Variants in SCRIB observed in about 807,000 individuals in gnomAD.
The protein encoded by SCRIB is protein scribble homolog.
SCRIB carries 72 observed loss-of-function variants against 170.0 expected under a neutral mutation model. The observed-to-expected ratio is 0.42, with a 90% CI of 0.35 to 0.52. SCRIB has a LOEUF of 0.52. SCRIB is among the 20% of genes least tolerant of loss of function. The probability of loss-of-function intolerance (pLI) is 0.02; values close to 1 mark genes in which losing one functional copy is unlikely to be tolerated. For synonymous variants in SCRIB, 1,298 were observed against 1,044.3 expected (o/e 1.24, Z -4.68); for missense variants, 2,475 against 2,338.5 (o/e 1.06, Z -1.20).
chr8:143,809,447 C>T (rs1587539364), intron 14 of SCRIB, 104 bp downstream of exon 14: 3 of 1,302,514 alleles, frequency 2.3e-6, no homozygotes, highest in South Asian at 1.3e-5. Flanking sequence ...TCAGCAGGGC[C>T]CAGGCACTGC....
Position 143,804,600 on chromosome 8 carries a change from C to A in SCRIB, c.2977G>T (p.Ala993Ser). ...GLPSLAPSLL[A>S]AALEGPYPVE... ...GGGTATGGCCCTTCCAACGCGGCAG[C>A]CAGCAGGCTGGGGGCCAGGCTCGGC... Residue 993 changes from alanine to serine, a missense_variant, in exon 21 of 37, where the codon GCT becomes TCT. Transcript: ENST00000356994. 6.6e-7 allele frequency: 1 copy of A among 1,515,794 alleles called. No homozygotes were observed. Among genetic ancestry groups the A allele is most frequent in the East Asian group, 2.3e-5 (1 of 43,968 alleles). 93.9% of individuals were successfully genotyped at this position (1,515,794 alleles called of 1,614,324 possible). A position where few individuals can be genotyped will look rare whatever the true frequency, so the allele number is the denominator to read the frequency against.
chr8:143,792,655 G>A lies in SCRIB; in HGVS notation c.4178-20C>T. 6.3e-7 allele frequency: 1 copy of A among 1,592,254 alleles called. No individual in the cohort carries two copies. The highest frequency in any genetic ancestry group is 8.5e-7 in the Non-Finnish European group (1 of 1,176,918). ...TTCTGGCTGCCGGAGGGCAGGGTGG[G>A]TCAGGCCAGACCAGCCGAGACCCAA... On this transcript the variant is annotated intron_variant, in intron 30 of 36. Transcript: ENST00000356994.
In SCRIB at chr8:143,792,415, G is replaced by C; in HGVS notation, c.4329-10C>G. The C allele has an allele frequency of 6.6e-7, 1 of 1,508,156 alleles. No homozygotes were observed. Among genetic ancestry groups the C allele is most frequent in the Non-Finnish European group, 8.8e-7 (1 of 1,131,474 alleles). 93.4% of individuals were successfully genotyped at this position (1,508,156 alleles called of 1,614,324 possible). The stretch of plus-strand genomic sequence containing the variant: ...GGACGCCGGGCTCTGCCTGGGGAAG[G>C]GACAGGACGTGCTGTGGGGGGCAGG... On this transcript the variant is annotated splice_polypyrimidine_tract_variant and intron_variant, in intron 31 of 36. Coordinates refer to ENST00000356994, the MANE Select transcript of SCRIB (RefSeq NM_182706.5).
At chr8:143,794,999 C>T (rs1306063754) in intron 27 of SCRIB, 39 bp downstream of exon 27, 9 of 1,588,150 alleles carry the variant, frequency 5.7e-6, no homozygotes, top group African/African-American at 1.3e-5. Context: ...AACAGGACAA[C>T]AGGACGGAGG....
intron 27 of SCRIB, chr8:143,794,205 T>G (rs1814836447): frequency 1.9e-6 from 1 of 518,434 alleles, no homozygotes; most frequent in Non-Finnish European, 3.5e-6. Context: ...GGCTGGAGCT[T>G]TGCAGGAGAG....
chr8:143,810,155 C>T (rs1449566863), intron 13 of SCRIB, among the ~76,000 whole-genome samples: 2 of 152,130 alleles, frequency 1.3e-5, no homozygotes, highest in Non-Finnish European at 2.9e-5. Flanking sequence ...AAACCCCTTC[C>T]CAGGTGCCGA....
Position 143,792,959 on chromosome 8 carries a change from G to A in SCRIB, c.4017+17C>T, listed in dbSNP as rs375564903. ...CCCCAACCACGCGCAGCAGGGAGGC[G>A]TGCTGCCCCCACACACCTGGGCAGG... On this transcript the variant is annotated intron_variant, in intron 29 of 36. Transcript: ENST00000356994. 5.1e-5 allele frequency: 77 copies of A among 1,500,836 alleles called. No individual in the cohort carries two copies. The highest frequency in any genetic ancestry group is 1.8e-4 in the Middle Eastern group (1 of 5,702). 93.0% of individuals were successfully genotyped at this position (1,500,836 alleles called of 1,614,324 possible).
At chr8:143,802,415 C>T (rs1466616583) in intron 24 of SCRIB, among the ~76,000 whole-genome samples, 1 of 152,268 alleles carries the variant, frequency 6.6e-6, no homozygotes, top group African/African-American at 2.4e-5. Flanking sequence ...GAGGCTGTTA[C>T]AGAGAGGAAG....
intron 27 of SCRIB, 108 bp from the exon 28 acceptor site, chr8:143,794,070 T>G: frequency 1.0e-6 from 1 of 995,480 alleles, no homozygotes; most frequent in Non-Finnish European, 1.5e-6. Context: ...AGCTCTTCAG[T>G]TCCCCAACCT....
intron 28 of SCRIB, 22 bp downstream of exon 28, chr8:143,793,878 C>T (rs1554633551): frequency 6.2e-7 from 1 of 1,611,954 alleles, no homozygotes; most frequent in African/African-American, 1.3e-5. Flanking sequence ...ATGGGGCACA[C>T]CCGTTAACTT....
intron 24 of SCRIB, among the ~76,000 whole-genome samples, chr8:143,798,255 C>CA (rs1159386809): frequency 3.5e-4 from 48 of 135,280 alleles, no homozygotes; most frequent in South Asian, 7.2e-4. Context: ...GACTCCGTCT[C>CA]AAAAAAAAAA....
In SCRIB at chr8:143,792,052, G is replaced by T; in HGVS notation, c.4596C>A (p.Pro1532=). The T allele has an allele frequency of 6.3e-7, 1 of 1,586,232 alleles. No individual in the cohort carries two copies. Residue 1532 remains proline, a synonymous_variant, in exon 33 of 37, where the codon CCC becomes CCA. Coordinates refer to ENST00000356994, the MANE Select transcript of SCRIB (RefSeq NM_182706.5). ...RSQEGRGTRG[P]LERLAEAPSP... ...AAGGGGCCTCGGCCAGTCGCTCCAGGGGCCCCCGCGTGCCCCGGCCTTCCT... is the reference window on the plus strand; with the variant it reads ...AAGGGGCCTCGGCCAGTCGCTCCAGTGGCCCCCGCGTGCCCCGGCCTTCCT...
At chr8:143,794,547 G>A (rs1814857113) in intron 27 of SCRIB, among the ~76,000 whole-genome samples, 1 of 152,112 alleles carries the variant, frequency 6.6e-6, no homozygotes, top group Admixed American at 6.5e-5. Context: ...CGGCACTCAC[G>A]TTCGGTGGGG....
At position 143,792,066 on chromosome 8, in the gene SCRIB, C is replaced by T; in HGVS notation, c.4582G>A (p.Gly1528Ser). 6.3e-7 allele frequency: 1 copy of T among 1,593,634 alleles called. No individual in the cohort carries two copies. The highest frequency in any genetic ancestry group is 8.5e-7 in the Non-Finnish European group (1 of 1,175,388). Residue 1528 changes from glycine (G) to serine (S), a missense_variant, in exon 33 of 37, where the codon GGC becomes AGC. Around this residue, in one of 3 missense-constraint regions of SCRIB, gnomAD observed 1,966 missense variants for 1,742.9 expected, o/e 1.13. Coordinates refer to ENST00000356994, the MANE Select transcript of SCRIB (RefSeq NM_182706.5). ...MVLSRSQEGR[G>S]TRGPLERLAE... ...AGTCGCTCCAGGGGCCCCCGCGTGCCCCGGCCTTCCTGGGACCTGCTGAGG... is the reference window on the plus strand; with the variant it reads ...AGTCGCTCCAGGGGCCCCCGCGTGCTCCGGCCTTCCTGGGACCTGCTGAGG...
rs370154381 is a variant in SCRIB at position 143,791,886 on chromosome 8, G to A, written c.4685C>T (p.Pro1562Leu). The part of the protein sequence containing the change: ...EDLGPQTSTS[P>L]GRLPLSGKKF... ...CCACCGGCTCCTCACCAGGCGTCCC[G>A]GGGAGGTGCTGGTCTGGGGGCCGAG... The change falls in exon 34 of 37, where the codon CCG (proline) becomes CTG (leucine). Residue 1562 changes from proline (P) to leucine (L), a missense_variant. Physicochemically the swap from Pro to Leu is moderately conservative, Grantham distance 98. Around this residue, in one of 3 missense-constraint regions of SCRIB, gnomAD observed 1,966 missense variants for 1,742.9 expected, o/e 1.13. Transcript: ENST00000356994. 65 of 1,528,230 alleles carry A rather than the reference G, an allele frequency of 4.3e-5. No individual in the cohort carries two copies. The highest frequency in any genetic ancestry group is 1.6e-4 in the East Asian group (7 of 43,480). The allele number at this position is 1,528,230 out of a possible 1,614,324, so 94.7% of individuals were successfully genotyped here.
At position 143,812,259 on chromosome 8, in the gene SCRIB, A is replaced by G. The variant is rs530699077; in HGVS notation, c.906+7T>C. 1.9e-6 allele frequency: 3 copies of G among 1,580,072 alleles called. No individual in the cohort carries two copies. Among genetic ancestry groups the G allele is most frequent in the South Asian group, 1.1e-5 (1 of 90,370 alleles). ...CCATCCTTTCTGCCTCCCAAGCCAG[A>G]CCCTACCATCAGCAGGTTCTCCGTG... On this transcript the variant is annotated splice_region_variant and intron_variant, in intron 9 of 36. Coordinates refer to ENST00000356994, the MANE Select transcript of SCRIB (RefSeq NM_182706.5).
At position 143,791,273 on chromosome 8, in the gene SCRIB, G is replaced by T; in HGVS notation, c.4858C>A (p.Leu1620Ile). ...GCGCCGGGTGAGGGCCTGCCCAGAA[G>T]CACCAGAGCCACTTCTCCATCCTCC... Reference protein sequence around the residue: ...QEEDGEVALVLLGRPSPGAVG... With the variant: ...QEEDGEVALVILGRPSPGAVG... Residue 1620 changes from leucine (L) to isoleucine (I), a missense_variant, in exon 37 of 37, where the codon CTT becomes ATT. By Grantham distance (5) the Leu-to-Ile change is conservative (BLOSUM62 2). Around this residue, in one of 3 missense-constraint regions of SCRIB, gnomAD observed 1,966 missense variants for 1,742.9 expected, o/e 1.13. Transcript: ENST00000356994. 6.5e-7 allele frequency: 1 copy of T among 1,536,342 alleles called. No individual in the cohort carries two copies. The highest frequency in any genetic ancestry group is 8.8e-7 in the Non-Finnish European group (1 of 1,141,000).
chr8:143,796,333 G>A (rs953003748), intron 24 of SCRIB, among the ~76,000 whole-genome samples: 5 of 152,172 alleles, frequency 3.3e-5, no homozygotes, highest in Admixed American at 1.3e-4. Context: ...ATTGCTCACC[G>A]CCCTCATCAC....
rs757499755 is a variant in SCRIB, at chr8:143,813,326, G to A, written c.552C>T (p.Asn184=). Residue 184 remains asparagine, a synonymous_variant, in exon 6 of 37, where the codon AAC becomes AAT. Transcript: ENST00000356994. ...VKLEQLDLGG[N]DLEVLPDTLG... ...CTCCACGCACCAGCACTTCCAGATC[G>A]TTGCCTCCCAGATCCAGCTGTTCCA... 1.8e-5 allele frequency: 29 copies of A among 1,613,434 alleles called. No individual in the cohort carries two copies. The highest frequency in any genetic ancestry group is 1.6e-4 in the Middle Eastern group (1 of 6,084).
Sources: gnomAD v4.1 joint callset for allele counts (sites outside exome capture counted in the v4.1 genomes callset) on GRCh38, gnomAD v4.1.1 for gene constraint, gnomAD v4.1.1 regional missense constraint, MANE v1.5 for transcripts, NCBI Gene and HGNC (gene_info 2026-07-23, HGNC 2026-07-21) for gene names.